OR51B5: variants seen among roughly 807,000 people sequenced by gnomAD.
OR51B5 encodes the protein olfactory receptor 51B5.
For synonymous variants in OR51B5, 186 were observed against 144.8 expected (o/e 1.28, Z -2.04); for missense variants, 456 against 374.6 (o/e 1.22, Z -1.79).
At chr11:5,351,861 T>C (rs146936952) in intron 1 of OR51B5, 69 of 1,613,590 alleles carry the variant, frequency 4.3e-5, no homozygotes, top group Non-Finnish European at 5.7e-5. Context: ...CCATGGCTTA[T>C]GACTGTTTCA....
At chr11:5,430,707 C>A (rs750857066) in intron 1 of OR51B5, 1 of 456,744 alleles carries the variant, frequency 2.2e-6, no homozygotes, top group Non-Finnish European at 4.4e-6. Context: ...GTCTTATTGT[C>A]TGGGTCTTAA....
intron 1 of OR51B5, chr11:5,505,421 G>A: frequency 7.7e-7 from 1 of 1,304,068 alleles, no homozygotes; most frequent in East Asian, 5.5e-5. Flanking sequence ...ATAAACAATA[G>A]GTTTTTCTTT....
At chr11:5,488,705 G>T in intron 1 of OR51B5, 1 of 1,605,474 alleles carries the variant, frequency 6.2e-7, no homozygotes, top group Non-Finnish European at 8.5e-7. Flanking sequence ...TTGCCAGGAA[G>T]AATGTCAGAT....
chr11:5,406,573 G>A (rs537901164), intron 1 of OR51B5, among the ~76,000 whole-genome samples: 2 of 152,178 alleles, frequency 1.3e-5, no homozygotes, highest in East Asian at 1.9e-4. Context: ...GTTATAAGTC[G>A]TTATATTCAG....
At chr11:5,411,596 G>A (rs1219142006) in intron 1 of OR51B5, among the ~76,000 whole-genome samples, 2 of 152,166 alleles carry the variant, frequency 1.3e-5, no homozygotes, top group Non-Finnish European at 2.9e-5. Context: ...CTCCACCCCT[G>A]TAAGAAAAGT....
chr11:5,493,103 G>A (rs1851602405), intron 1 of OR51B5, among the ~76,000 whole-genome samples: 1 of 152,172 alleles, frequency 6.6e-6, no homozygotes, highest in Non-Finnish European at 1.5e-5. Flanking sequence ...GCTAGCTTAG[G>A]AAATATTGAT....
chr11:5,467,230 T>C (rs959480364), intron 1 of OR51B5, among the ~76,000 whole-genome samples: 2 of 152,174 alleles, frequency 1.3e-5, no homozygotes, highest in Non-Finnish European at 2.9e-5. Context: ...TTTTCTGTCA[T>C]GTGATTTTGC....
Position 5,360,482 on chromosome 11 carries a change from C to G in OR51B5, n.85-13572G>C, listed in dbSNP as rs1206177418. On this transcript the variant is annotated intron_variant and non_coding_transcript_variant, in intron 1 of 4. Coordinates refer to the OR51B5 transcript ENST00000415970. ...GTTAGAATGGCGATCATTAAAAAGT[C>G]AGGAAACAACAGGTGCTGGAGAGGA... Among the ~76,000 whole-genome samples the G allele has an allele frequency of 3.7e-3, 565 of 150,814 alleles. 2 individuals are homozygous for G. Among genetic ancestry groups the G allele is most frequent in the Middle Eastern group, 0.01 (3 of 294 alleles).
chr11:5,441,219 C>A, intron 1 of OR51B5: 1 of 1,613,932 alleles, frequency 6.2e-7, no homozygotes. Context: ...CTGGACCAGG[C>A]AAGCATTAAA....
chr11:5,361,106 G>A (rs1049391531), intron 1 of OR51B5, among the ~76,000 whole-genome samples: 65 of 152,084 alleles, frequency 4.3e-4, no homozygotes, highest in Admixed American at 1.2e-3. Flanking sequence ...AAACCTGCAC[G>A]TTGTGCAAAT....
intron 1 of OR51B5, chr11:5,391,590 T>G (rs543157843): frequency 7.9e-5 from 12 of 152,336 alleles, no homozygotes; most frequent in African/African-American, 2.9e-4. Flanking sequence ...TCTCTTCTTG[T>G]CTCGAGGAAC....
chr11:5,366,884 C>G (rs966670180), intron 1 of OR51B5, among the ~76,000 whole-genome samples: 7 of 152,146 alleles, frequency 4.6e-5, no homozygotes, highest in Non-Finnish European at 2.9e-5. Flanking sequence ...GGCAGGGGTG[C>G]TATCTGATTC....
chr11:5,473,193 A>C (rs451711), intron 1 of OR51B5, among the ~76,000 whole-genome samples: 10 of 152,200 alleles, frequency 6.6e-5, no homozygotes, highest in Non-Finnish European at 1.3e-4. Flanking sequence ...ACTATCATAA[A>C]GACTTGCCAA....
chr11:5,487,144 A>G (rs1851509796), intron 1 of OR51B5, among the ~76,000 whole-genome samples: 1 of 152,192 alleles, frequency 6.6e-6, no homozygotes. Context: ...TCTGCAAATA[A>G]AATGCCTCGT....
chr11:5,432,821 G>A (rs1485635914), intron 1 of OR51B5, among the ~76,000 whole-genome samples: 1 of 152,166 alleles, frequency 6.6e-6, no homozygotes, highest in Non-Finnish European at 1.5e-5. Flanking sequence ...TTCTCTTGTA[G>A]TAAGGTTACC....
intron 1 of OR51B5, chr11:5,392,056 G>A (rs1255394952): frequency 1.4e-5 from 2 of 145,958 alleles, no homozygotes; most frequent in South Asian, 2.3e-4. Context: ...GTGAGACCCC[G>A]ATTCAAAAAT....
At chr11:5,484,501 T>A (rs1373437400) in intron 1 of OR51B5, among the ~76,000 whole-genome samples, 1 of 152,070 alleles carries the variant, frequency 6.6e-6, no homozygotes, top group Non-Finnish European at 1.5e-5. Context: ...CGTCCAAGCT[T>A]GTTTCCCCTA....
intron 1 of OR51B5, among the ~76,000 whole-genome samples, chr11:5,375,748 CAAG>C (rs1564791961): frequency 1.3e-5 from 2 of 152,106 alleles, no homozygotes; most frequent in East Asian, 3.9e-4. Context: ...ATCAATTCAA[CAAG>C]AAGAGCTAAC....
intron 1 of OR51B5, chr11:5,455,499 T>C (rs1253411991): frequency 1.5e-5 from 2 of 136,852 alleles, no homozygotes; most frequent in East Asian, 4.5e-4. Flanking sequence ...TTTGGTGCTG[T>C]CATACTAAGT....
Sources: gnomAD v4.1 joint callset for allele counts (sites outside exome capture counted in the v4.1 genomes callset) on GRCh38, gnomAD v4.1.1 for gene constraint, MANE v1.5 for transcripts, NCBI Gene and HGNC (gene_info 2026-07-23, HGNC 2026-07-21) for gene names.